Variants in CTNNA2 observed in about 807,000 individuals in gnomAD.
The protein encoded by CTNNA2 is catenin alpha 2.
Under a neutral mutation model 101.0 loss-of-function variants are expected in CTNNA2, and 42 were observed. The observed-to-expected ratio is 0.42, with a 90% CI of 0.32 to 0.54. The LOEUF (loss-of-function observed/expected upper bound fraction) is 0.54. CTNNA2 is among the 20% of genes least tolerant of loss of function. CTNNA2 has a pLI of 0.14. For synonymous variants in CTNNA2, 450 were observed against 456.4 expected (o/e 0.99, Z 0.18); for missense variants, 871 against 1,223.1 (o/e 0.71, Z 4.29).
intron 7 of CTNNA2, among the ~76,000 whole-genome samples, chr2:80,017,755 T>C (rs1694259213): frequency 6.6e-6 from 1 of 152,122 alleles, no homozygotes; most frequent in African/African-American, 2.4e-5. Flanking sequence ...CTACCAATAT[T>C]TGTGATCTTG....
intron 7 of CTNNA2, among the ~76,000 whole-genome samples, chr2:79,959,105 T>A (rs1169085731): frequency 1.3e-5 from 2 of 151,768 alleles, no homozygotes; most frequent in African/African-American, 4.8e-5. Context: ...ACCCAGGCTG[T>A]AGTGTGATCA....
intron 15 of CTNNA2, among the ~76,000 whole-genome samples, chr2:80,599,522 G>T (rs773698146): frequency 6.6e-6 from 1 of 152,170 alleles, no homozygotes; most frequent in African/African-American, 2.4e-5. Context: ...GAGTAACTTT[G>T]GTCCCCTACC....
rs185205675 is a variant in CTNNA2, at chr2:80,051,477, A to G, written c.1056+141680A>G. Among the ~76,000 whole-genome samples the G allele has an allele frequency of 6.7e-4, 102 of 152,346 alleles. 2 individuals carry two copies. The highest frequency in any genetic ancestry group is 2.1e-4 in the South Asian group (1 of 4,830). On this transcript the variant is annotated intron_variant, in intron 7 of 18. Coordinates refer to ENST00000402739, the MANE Select transcript of CTNNA2 (RefSeq NM_001282597.3). ...GATCATACTTTAAGTGTGAAAGCAT[A>G]TTGTTTATCCTTTAGAAAAGTGAAT...
intron 2 of CTNNA2, 34 bp from the exon 3 acceptor site, chr2:79,744,353 A>C: frequency 6.4e-7 from 1 of 1,558,902 alleles, no homozygotes; most frequent in Non-Finnish European, 8.7e-7. Context: ...ACAGTTTTGC[A>C]AAGAAGTTTT....
chr2:79,772,656 A>T (rs115370178), intron 3 of CTNNA2, among the ~76,000 whole-genome samples: 1 of 152,122 alleles, frequency 6.6e-6, no homozygotes, highest in African/African-American at 2.4e-5. Flanking sequence ...CACTGCAGCC[A>T]TGAACTACTG....
chr2:79,531,195 C>CATATATAT lies in CTNNA2; in HGVS notation c.-6+18022_-6+18029dup, dbSNP rs34087238. Among the ~76,000 whole-genome samples, 143 of 110,244 alleles carry CATATATAT rather than the reference C, an allele frequency of 1.3e-3. 2 individuals carry two copies. Among genetic ancestry groups the CATATATAT allele is most frequent in the East Asian group, 2.3e-3 (6 of 2,590 alleles). 72.3% of individuals were successfully genotyped at this position (110,244 alleles called of 152,430 possible). ...TTATTTATTAGTAAATAGATACGCT[C>CATATATAT]ATATATATATATATATATATATATA... On this transcript the variant is annotated intron_variant, in intron 1 of 18. Transcript: ENST00000402739.
intron 7 of CTNNA2, among the ~76,000 whole-genome samples, chr2:80,311,024 A>G (rs910480644): frequency 2.0e-5 from 3 of 152,102 alleles, no homozygotes; most frequent in South Asian, 2.1e-4. Flanking sequence ...GACAAAAATT[A>G]AATGAACATG....
chr2:79,347,745 A>G (rs1677293480), intron 3 of CTNNA2, among the ~76,000 whole-genome samples: 1 of 151,634 alleles, frequency 6.6e-6, no homozygotes. Flanking sequence ...AAATACTCGG[A>G]AAAATAATTT....
intron 9 of CTNNA2, among the ~76,000 whole-genome samples, chr2:80,507,234 T>C (rs1281121839): frequency 6.6e-6 from 1 of 152,182 alleles, no homozygotes; most frequent in Admixed American, 6.6e-5. Flanking sequence ...GTAAAGTACT[T>C]AGCAAGCGAC....
At chr2:79,845,194 A>ATTTTT (rs1680142363) in intron 3 of CTNNA2, among the ~76,000 whole-genome samples, 1 of 34,010 alleles carries the variant, frequency 2.9e-5, no homozygotes, top group Non-Finnish European at 6.1e-5. Flanking sequence ...TTTTTTTTTG[A>ATTTTT]ATTTCTAAAT....
chr2:79,767,922 A>C (rs1673280959), intron 3 of CTNNA2, among the ~76,000 whole-genome samples: 2 of 150,964 alleles, frequency 1.3e-5, no homozygotes. Context: ...TGATGCCAGC[A>C]CTCCCTTAGT....
intron 7 of CTNNA2, among the ~76,000 whole-genome samples, chr2:80,052,754 G>C (rs1158644099): frequency 6.6e-6 from 1 of 152,192 alleles, no homozygotes; most frequent in South Asian, 2.1e-4. Flanking sequence ...ATTTGAAACA[G>C]ATAGAAGCAG....
At chr2:80,079,216 A>G (rs1478375480) in intron 7 of CTNNA2, among the ~76,000 whole-genome samples, 2 of 152,154 alleles carry the variant, frequency 1.3e-5, no homozygotes, top group Non-Finnish European at 2.9e-5. Flanking sequence ...TGAAATAAAA[A>G]GGTAGTTTCT....
chr2:80,452,036 A>T (rs1683561725), intron 9 of CTNNA2, among the ~76,000 whole-genome samples: 1 of 152,242 alleles, frequency 6.6e-6, no homozygotes, highest in South Asian at 2.1e-4. Context: ...ATGACTAATT[A>T]TAACAATATT....
At chr2:80,203,547 G>A (rs1261584094) in intron 7 of CTNNA2, among the ~76,000 whole-genome samples, 1 of 152,198 alleles carries the variant, frequency 6.6e-6, no homozygotes, top group Non-Finnish European at 1.5e-5. Flanking sequence ...TCACATCCAG[G>A]TCATGCTGAT....
chr2:79,443,950 C>A (rs961611094), intron 4 of CTNNA2, among the ~76,000 whole-genome samples: 1 of 150,586 alleles, frequency 6.6e-6, no homozygotes, highest in African/African-American at 2.5e-5. Flanking sequence ...CTGGCCTTCT[C>A]ACATGTTTTC....
intron 7 of CTNNA2, among the ~76,000 whole-genome samples, chr2:79,982,861 C>T (rs991679731): frequency 6.6e-6 from 1 of 152,120 alleles, no homozygotes; most frequent in African/African-American, 2.4e-5. Context: ...TTTCCTCTAT[C>T]TCTCTTTCAA....
chr2:80,485,150 G>C (rs1051446571), intron 9 of CTNNA2, among the ~76,000 whole-genome samples: 9 of 152,126 alleles, frequency 5.9e-5, no homozygotes, highest in Non-Finnish European at 1.3e-4. Flanking sequence ...ATCAGGCAAA[G>C]AATGTGTATA....
chr2:80,179,136 A>C (rs1989614), intron 7 of CTNNA2, among the ~76,000 whole-genome samples: 99,001 of 152,082 alleles, frequency 0.65, 32,869 homozygotes, highest in African/African-American at 0.77. Context: ...GCCTTATGAA[A>C]AGGAATGGCA....
Sources: allele counts gnomAD v4.1 joint callset (sites outside exome capture counted in the v4.1 genomes callset), GRCh38; gene constraint gnomAD v4.1.1; transcripts MANE v1.5; gene names NCBI Gene and HGNC (gene_info 2026-07-23, HGNC 2026-07-21).